UBE2K: variants seen among roughly 807,000 people sequenced by gnomAD.
The protein encoded by UBE2K is ubiquitin conjugating enzyme E2 K, also known as ubiquitin-conjugating enzyme E2 K.
In UBE2K, 6 loss-of-function variants were observed where a neutral mutation model predicts 30.0. That is an observed-to-expected ratio of 0.20 (90% CI 0.11 to 0.39). The LOEUF is 0.39. Ranked by LOEUF, UBE2K falls within the 10% of genes least tolerant of loss-of-function variation. The pLI, the probability that UBE2K is intolerant of heterozygous loss-of-function variation, is 1.00. For missense variants in UBE2K, 61 were observed against 241.6 expected (o/e 0.25, Z 4.96); for synonymous variants, 86 against 83.7 (o/e 1.03, Z -0.15).
In UBE2K at chr4:39,730,548, T is replaced by A. The variant is rs569821892; in HGVS notation, c.64-6872T>A. On this transcript the variant is annotated intron_variant, in intron 1 of 6. Coordinates refer to ENST00000261427, the MANE Select transcript of UBE2K (RefSeq NM_005339.5). ...ACTTTGGGAGGCTGAGGCTGGTAGA[T>A]CTTGAGGTCAGGAGTTCAAGACCAG... Among the ~76,000 whole-genome samples the A allele has an allele frequency of 8.6e-5, 13 of 152,006 alleles. No homozygotes were observed. In the South Asian group the frequency reaches 2.1e-3, roughly 24 times the overall value.
At chr4:39,760,176 C>CAAAAAAAAAAAAAAAAAAA (rs71194913) in intron 4 of UBE2K, among the ~76,000 whole-genome samples, 11 of 77,146 alleles carry the variant, frequency 1.4e-4, no homozygotes, top group Non-Finnish European at 2.0e-4. Flanking sequence ...GACTCTGTCA[C>CAAAAAAAAAAAAAAAAAAA]AAAAAAAAAA....
At chr4:39,767,309 T>TGTG (rs1553880120) in intron 4 of UBE2K, among the ~76,000 whole-genome samples, 1 of 150,856 alleles carries the variant, frequency 6.6e-6, no homozygotes, top group African/African-American at 2.5e-5. Context: ...GTTTTTTTTT[T>TGTG]TGTGTGTGTG....
intron 4 of UBE2K, chr4:39,771,316 C>T: frequency 6.2e-7 from 1 of 1,612,168 alleles, no homozygotes; most frequent in Middle Eastern, 1.7e-4. Context: ...AAACTTGAGG[C>T]TGTCGGCCAC....
At chr4:39,746,922 T>C (rs1721015634) in intron 3 of UBE2K, among the ~76,000 whole-genome samples, 1 of 152,234 alleles carries the variant, frequency 6.6e-6, no homozygotes, top group Non-Finnish European at 1.5e-5. Flanking sequence ...TATCTTTCTC[T>C]AGCTTTTATG....
chr4:39,715,025 A>ATTT (rs905603415), intron 1 of UBE2K, among the ~76,000 whole-genome samples: 46 of 133,826 alleles, frequency 3.4e-4, no homozygotes, highest in Admixed American at 7.0e-4. Context: ...CTCTTGGCTA[A>ATTT]TTTTTTTTTT....
chr4:39,758,825 A>G (rs1711671827), intron 4 of UBE2K, among the ~76,000 whole-genome samples: 1 of 152,222 alleles, frequency 6.6e-6, no homozygotes, highest in African/African-American at 2.4e-5. Flanking sequence ...GTATATATAG[A>G]GAGAGAAGTT....
chr4:39,698,654 G>A (rs1280647450), intron 1 of UBE2K, among the ~76,000 whole-genome samples: 4 of 152,138 alleles, frequency 2.6e-5, no homozygotes, highest in Admixed American at 1.3e-4. Flanking sequence ...CTCCTCGGAG[G>A]GATGGAAGCT....
At chr4:39,745,117 C>T (rs528231202) in intron 2 of UBE2K, among the ~76,000 whole-genome samples, 3 of 152,238 alleles carry the variant, frequency 2.0e-5, no homozygotes, top group Admixed American at 6.5e-5. Context: ...CCTCCCACCT[C>T]GGCCTCCCAA....
At chr4:39,741,734 G>C (rs1720714809) in intron 2 of UBE2K, among the ~76,000 whole-genome samples, 1 of 152,148 alleles carries the variant, frequency 6.6e-6, no homozygotes, top group African/African-American at 2.4e-5. Context: ...CAAAGGAACA[G>C]TTTAGTTCTT....
At chr4:39,769,435 T>A (rs1712594898) in intron 4 of UBE2K, among the ~76,000 whole-genome samples, 1 of 145,034 alleles carries the variant, frequency 6.9e-6, no homozygotes, top group South Asian at 2.4e-4. Flanking sequence ...CTTGCTATTG[T>A]GCCCCCACTT....
intron 1 of UBE2K, among the ~76,000 whole-genome samples, chr4:39,712,106 A>C (rs1238037274): frequency 5.3e-5 from 8 of 150,910 alleles, no homozygotes; most frequent in African/African-American, 9.7e-5. Flanking sequence ...GAAAAAAAAA[A>C]CGTAGTTACT....
intron 4 of UBE2K, among the ~76,000 whole-genome samples, chr4:39,762,537 A>G (rs2109388757): frequency 6.6e-6 from 1 of 152,234 alleles, no homozygotes; most frequent in Non-Finnish European, 1.5e-5. Context: ...GGCCTCAGGG[A>G]GCTTATGATC....
chr4:39,733,055 A>G (rs1720164495), intron 1 of UBE2K, among the ~76,000 whole-genome samples: 1 of 123,916 alleles, frequency 8.1e-6, no homozygotes, highest in African/African-American at 4.6e-5. Context: ...CATCAGGAAA[A>G]AAAAAAAAAA....
intron 4 of UBE2K, chr4:39,770,956 T>C (rs1314613371): frequency 5.0e-6 from 8 of 1,588,654 alleles, no homozygotes; most frequent in Non-Finnish European, 6.0e-6. Flanking sequence ...CGGGGCTGGC[T>C]TTGGGGTCCT....
At chr4:39,719,334 A>G (rs1719292403) in intron 1 of UBE2K, among the ~76,000 whole-genome samples, 1 of 152,164 alleles carries the variant, frequency 6.6e-6, no homozygotes, top group Non-Finnish European at 1.5e-5. Flanking sequence ...GAGAGCAGTT[A>G]TCTTACTATT....
intron 1 of UBE2K, among the ~76,000 whole-genome samples, chr4:39,714,782 C>T (rs1173164844): frequency 6.6e-6 from 1 of 151,054 alleles, no homozygotes; most frequent in East Asian, 2.0e-4. Context: ...ATCTCCTGAC[C>T]TCGTGATGTG....
intron 1 of UBE2K, among the ~76,000 whole-genome samples, chr4:39,701,918 G>A (rs1040013800): frequency 6.6e-6 from 1 of 151,530 alleles, no homozygotes; most frequent in African/African-American, 2.4e-5. Context: ...CCGCCACCAC[G>A]CCCAGCTAAT....
intron 1 of UBE2K, among the ~76,000 whole-genome samples, chr4:39,706,389 C>G (rs986093661): frequency 6.7e-6 from 1 of 150,338 alleles, no homozygotes; most frequent in African/African-American, 2.4e-5. Flanking sequence ...GTCTTAAACT[C>G]GCGGCCTCAG....
At chr4:39,736,050 G>C (rs954887467) in intron 1 of UBE2K, among the ~76,000 whole-genome samples, 5 of 151,504 alleles carry the variant, frequency 3.3e-5, no homozygotes, top group African/African-American at 7.3e-5. Flanking sequence ...GCCAAAGACA[G>C]TAATTCTTAC....
Sources: gnomAD v4.1 joint callset for allele counts (sites outside exome capture counted in the v4.1 genomes callset) on GRCh38, gnomAD v4.1.1 for gene constraint, MANE v1.5 for transcripts, NCBI Gene and HGNC (gene_info 2026-07-23, HGNC 2026-07-21) for gene names.